Variants in FAM167A observed in about 807,000 individuals in gnomAD.
The protein encoded by FAM167A is protein FAM167A.
A neutral mutation model predicts 14.9 loss-of-function variants in FAM167A; 23 were observed. That is an observed-to-expected ratio of 1.55 (90% CI 1.11 to 2.19). FAM167A has a LOEUF of 2.19. Ranked by LOEUF, FAM167A falls within the 30% of genes most tolerant of loss-of-function variation. FAM167A has a pLI of 0.00. For synonymous variants in FAM167A, 174 were observed against 117.7 expected (o/e 1.48, Z -3.10); for missense variants, 401 against 281.5 (o/e 1.42, Z -3.04).
rs776727572 is a variant in FAM167A at position 11,444,013 on chromosome 8, T to C, written c.381+18A>G. 1 of 1,597,732 alleles carries C rather than the reference T, an allele frequency of 6.3e-7. No individual in the cohort carries two copies. Among genetic ancestry groups the C allele is most frequent in the South Asian group, 1.1e-5 (1 of 89,412 alleles). ...GGCATCTCCTCTTTTCTGGGGATTC[T>C]TGGGGGCAGCCACTCACCAGTTCCT... On this transcript the variant is annotated intron_variant, in intron 2 of 2. Coordinates refer to ENST00000284486, the MANE Select transcript of FAM167A (RefSeq NM_053279.3).
chr8:11,425,672 C>CA (rs1248669253), intron 2 of FAM167A, among the ~76,000 whole-genome samples: 1 of 151,932 alleles, frequency 6.6e-6, no homozygotes. Flanking sequence ...TGTTATACCC[C>CA]CCCTTGCTGT....
chr8:11,467,010 A>C (rs760265571), upstream of FAM167A, among the ~76,000 whole-genome samples: 2 of 152,158 alleles, frequency 1.3e-5, no homozygotes, highest in African/African-American at 4.8e-5. Flanking sequence ...TTTTCTCATT[A>C]AACCCGAAAC....
intron 1 of FAM167A, 137 bp from the exon 2 acceptor site, chr8:11,444,945 G>T: frequency 1.3e-6 from 1 of 750,986 alleles, no homozygotes; most frequent in Non-Finnish European, 1.6e-6. Context: ...GTCCGGGACG[G>T]AAGTGAGATC....
Position 11,444,514 on chromosome 8 carries a change from A to AG in FAM167A, c.-104dup, listed in dbSNP as rs1806660628. On this transcript the variant is annotated 5_prime_UTR_variant, in exon 2 of 3. The change abolishes the stop of an existing upstream ORF in the 5' untranslated region. Coordinates refer to ENST00000284486, the MANE Select transcript of FAM167A (RefSeq NM_053279.3). ...GTCCCGCTCTGGGATGGCCTCATCC[A>AG]GGTGCCCGAGGGCATTTCCGGGACA... 6.8e-7 allele frequency: 1 copy of AG among 1,481,046 alleles called. No individual in the cohort carries two copies. The highest frequency in any genetic ancestry group is 8.9e-7 in the Non-Finnish European group (1 of 1,123,470). 91.7% of individuals were successfully genotyped at this position (1,481,046 alleles called of 1,614,324 possible). A position where few individuals can be genotyped will look rare whatever the true frequency, so the allele number is the denominator to read the frequency against.
At chr8:11,429,634 T>C (rs572031769) in intron 2 of FAM167A, among the ~76,000 whole-genome samples, 1 of 152,334 alleles carries the variant, frequency 6.6e-6, no homozygotes, top group South Asian at 2.1e-4. Context: ...AGCCAGCCTA[T>C]GGCATCTGGA....
chr8:11,466,333 C>T (rs1207218906), intron 1 of FAM167A, among the ~76,000 whole-genome samples: 1 of 152,166 alleles, frequency 6.6e-6, no homozygotes, highest in Admixed American at 6.5e-5. Context: ...AGACCCCGAA[C>T]CTCCACCCAG....
chr8:11,455,384 CGTGA>C (rs1321803800), intron 1 of FAM167A, among the ~76,000 whole-genome samples: 16 of 99,820 alleles, frequency 1.6e-4, no homozygotes, highest in South Asian at 3.3e-4. Flanking sequence ...GGTTGCCTTG[CGTGA>C]GTGTGATTGT....
At chr8:11,425,932 A>G (rs961351360) in intron 2 of FAM167A, among the ~76,000 whole-genome samples, 9 of 152,200 alleles carry the variant, frequency 5.9e-5, no homozygotes, top group Non-Finnish European at 1.0e-4. Flanking sequence ...CATTAATGCA[A>G]TCAAGCCTTC....
At chr8:11,425,056 A>T (rs144017353) in intron 2 of FAM167A, among the ~76,000 whole-genome samples, 32 of 152,246 alleles carry the variant, frequency 2.1e-4, no homozygotes, top group African/African-American at 7.5e-4. Context: ...GGGGGCTTTG[A>T]CTGTGATGGC....
At chr8:11,427,653 C>G (rs1585228136) in intron 2 of FAM167A, among the ~76,000 whole-genome samples, 1 of 152,158 alleles carries the variant, frequency 6.6e-6, no homozygotes, top group East Asian at 1.9e-4. Flanking sequence ...TCTCAATGTT[C>G]TTTTTTTCCT....
At chr8:11,458,325 G>A (rs1333793708) in intron 1 of FAM167A, among the ~76,000 whole-genome samples, 1 of 152,184 alleles carries the variant, frequency 6.6e-6, no homozygotes, top group African/African-American at 2.4e-5. Flanking sequence ...CTTCACACTT[G>A]GATCTGAGCA....
intron 2 of FAM167A, chr8:11,434,787 AC>A: frequency 2.9e-6 from 1 of 340,484 alleles, no homozygotes; most frequent in East Asian, 7.7e-5. Flanking sequence ...CATGTGCCCT[AC>A]ACAGAGAGAG....
chr8:11,462,923 TG>T (rs1355825922), intron 1 of FAM167A, among the ~76,000 whole-genome samples: 1 of 152,088 alleles, frequency 6.6e-6, no homozygotes, highest in Non-Finnish European at 1.5e-5. Flanking sequence ...TCAAGATGTG[TG>T]GGTTGGCTAA....
At chr8:11,459,532 G>A (rs1300120602) in intron 1 of FAM167A, among the ~76,000 whole-genome samples, 1 of 152,234 alleles carries the variant, frequency 6.6e-6, no homozygotes, top group Non-Finnish European at 1.5e-5. Context: ...TGCCAAGCAC[G>A]TGGGTGCTGT....
rs889298229 is a variant in FAM167A, at chr8:11,423,294, C to G, written c.*1079G>C. 2.0e-5 allele frequency: 3 copies of G among 152,510 alleles called. No homozygotes were observed. The highest frequency in any genetic ancestry group is 4.8e-5 in the African/African-American group (2 of 41,462). The allele number at this position is 152,510 out of a possible 1,614,324, so 9.4% of individuals were successfully genotyped here. A position where few individuals can be genotyped will look rare whatever the true frequency, so the allele number is the denominator to read the frequency against. On this transcript the variant is annotated 3_prime_UTR_variant, in exon 3 of 3. Coordinates refer to ENST00000284486, the MANE Select transcript of FAM167A (RefSeq NM_053279.3). ...TCAAGCCTGTTGGGAGGGAGAAACT[C>G]TTAAAATCAAATCCTACGCACTGTA...
At chr8:11,440,276 T>G (rs747306809) in intron 2 of FAM167A, among the ~76,000 whole-genome samples, 2 of 152,188 alleles carry the variant, frequency 1.3e-5, no homozygotes, top group Non-Finnish European at 2.9e-5. Flanking sequence ...TCAGGCCGTC[T>G]TAGCTGGGAG....
Position 11,424,742 on chromosome 8 carries a change from G to C in FAM167A, c.382-106C>G, listed in dbSNP as rs1218101072. 3 of 1,452,066 alleles carry C rather than the reference G, an allele frequency of 2.1e-6. No individual in the cohort carries two copies. In the African/African-American group the frequency reaches 4.2e-5, roughly 20 times the overall value. 89.9% of individuals were successfully genotyped at this position (1,452,066 alleles called of 1,614,324 possible). A position where few individuals can be genotyped will look rare whatever the true frequency, so the allele number is the denominator to read the frequency against. ...GACTAATGTCTTAGTTCATTAAGTG[G>C]TCCATCTAGAAATATTAGCACTTTC... is the stretch of plus-strand genomic sequence containing the variant. On this transcript the variant is annotated intron_variant, in intron 2 of 2. Transcript: ENST00000284486.
At chr8:11,465,887 T>A (rs761690739) in intron 1 of FAM167A, among the ~76,000 whole-genome samples, 1 of 152,114 alleles carries the variant, frequency 6.6e-6, no homozygotes, top group African/African-American at 2.4e-5. Context: ...GAGTCAACCC[T>A]CCTTCCAGAT....
intron 1 of FAM167A, among the ~76,000 whole-genome samples, chr8:11,464,790 C>T (rs751209004): frequency 3.3e-5 from 5 of 152,228 alleles, no homozygotes; most frequent in African/African-American, 4.8e-5. Context: ...CTAGAGAACA[C>T]AGCAGCCAGG....
Sources: allele counts gnomAD v4.1 joint callset (sites outside exome capture counted in the v4.1 genomes callset), GRCh38; gene constraint gnomAD v4.1.1; transcripts MANE v1.5; gene names NCBI Gene and HGNC (gene_info 2026-07-23, HGNC 2026-07-21).